Variants in NUP133 observed in about 807,000 individuals in gnomAD.
The protein encoded by NUP133 is nucleoporin 133.
In NUP133, 66 loss-of-function variants were observed where a neutral mutation model predicts 146.2. The observed-to-expected ratio is 0.45, with a 90% CI of 0.37 to 0.55. The LOEUF (loss-of-function observed/expected upper bound fraction) is 0.55, where lower values mean the gene tolerates loss of function less well. Among genes scored for constraint, NUP133 ranks in the 20% least tolerant of loss-of-function variants. The pLI is 0.00. For synonymous variants in NUP133, 521 were observed against 498.8 expected (o/e 1.04, Z -0.59); for missense variants, 1,277 against 1,374.8 (o/e 0.93, Z 1.12).
intron 15 of NUP133, among the ~76,000 whole-genome samples, chr1:229,467,857 C>G (rs35834187): frequency 1.3e-5 from 2 of 149,386 alleles, no homozygotes; most frequent in African/African-American, 5.0e-5. Context: ...CCAAGGAGGC[C>G]GAGGCTGCGG....
In NUP133 at chr1:229,470,844, T is replaced by C. The variant is rs767945896; in HGVS notation, c.1852-40A>G. 5 of 1,573,466 alleles carry C rather than the reference T, an allele frequency of 3.2e-6. No homozygotes were observed. In the South Asian group the frequency reaches 4.4e-5, roughly 14 times the overall value. On this transcript the variant is annotated intron_variant, in intron 14 of 25. Transcript: ENST00000261396. ...AACACATATTCTCAGAAAGCAATTA[T>C]GGTAACATGCAAAATACCATAGCTG...
chr1:229,497,143 T>G (rs923348342), intron 6 of NUP133, among the ~76,000 whole-genome samples: 1 of 152,062 alleles, frequency 6.6e-6, no homozygotes, highest in Non-Finnish European at 1.5e-5. Context: ...ACCAGGAGCT[T>G]AGGTGAAATT....
chr1:229,453,600 T>C (rs1190995873), intron 21 of NUP133, among the ~76,000 whole-genome samples: 1 of 152,250 alleles, frequency 6.6e-6, no homozygotes, highest in African/African-American at 2.4e-5. Flanking sequence ...CAGAATCATT[T>C]TAACTGGATC....
rs952161277 is a variant in NUP133 at position 229,441,705 on chromosome 1, G to A, written c.*199C>T. ...AGGAACAACAACTGACACATTTCAG[G>A]TGGAAAAAACAAGTCACATAACTGA... On this transcript the variant is annotated 3_prime_UTR_variant, in exon 26 of 26. Coordinates refer to ENST00000261396, the MANE Select transcript of NUP133 (RefSeq NM_018230.3). 35 of 472,142 alleles carry A rather than the reference G, an allele frequency of 7.4e-5. No homozygotes were observed. Among genetic ancestry groups the A allele is most frequent in the African/African-American group, 5.2e-4 (26 of 49,980 alleles). 29.2% of individuals were successfully genotyped at this position (472,142 alleles called of 1,614,324 possible).
chr1:229,493,095 A>C (rs561600002), intron 8 of NUP133, among the ~76,000 whole-genome samples: 24 of 152,170 alleles, frequency 1.6e-4, no homozygotes, highest in South Asian at 4.2e-4. Flanking sequence ...AGTTAAGGTT[A>C]AAAAAAATTC....
chr1:229,451,768 C>T (rs1335972972), intron 22 of NUP133, among the ~76,000 whole-genome samples: 1 of 152,158 alleles, frequency 6.6e-6, no homozygotes, highest in Non-Finnish European at 1.5e-5. Context: ...TGTTCTTGAA[C>T]ATCCTTTTTA....
intron 5 of NUP133, chr1:229,499,107 G>A (rs756420447): frequency 1.9e-4 from 84 of 452,520 alleles, no homozygotes; most frequent in African/African-American, 1.5e-3. Context: ...GTTTTATGGC[G>A]CAGGCTAGTC....
chr1:229,484,888 G>T (rs1661309957), intron 11 of NUP133, among the ~76,000 whole-genome samples: 1 of 151,762 alleles, frequency 6.6e-6, no homozygotes, highest in Non-Finnish European at 1.5e-5. Flanking sequence ...AAAATGCAAG[G>T]TATTAATCCC....
At chr1:229,444,843 TC>T (rs1660267263) in intron 25 of NUP133, 70 bp downstream of exon 25, 1 of 987,598 alleles carries the variant, frequency 1.0e-6, no homozygotes, top group Non-Finnish European at 1.6e-6. Flanking sequence ...CAAGACTCCG[TC>T]TCAAAAAAAA....
intron 4 of NUP133, 122 bp downstream of exon 4, chr1:229,500,634 C>A: frequency 1.7e-6 from 1 of 580,642 alleles, no homozygotes; most frequent in Non-Finnish European, 3.0e-6. Context: ...TTTGCCAATA[C>A]CACAATATCT....
intron 12 of NUP133, among the ~76,000 whole-genome samples, chr1:229,478,268 AT>A (rs1661126459): frequency 6.6e-6 from 1 of 152,218 alleles, no homozygotes; most frequent in South Asian, 2.1e-4. Context: ...ACTATTATCC[AT>A]TCATTAATTC....
rs1660778599 is a variant in NUP133, at chr1:229,464,961, C to T, written c.2300-86G>A. The T allele has an allele frequency of 4.1e-6, 6 of 1,474,280 alleles. No homozygotes were observed. The East Asian group carries it at 1.4e-4, about 34-fold the overall frequency. The allele number at this position is 1,474,280 out of a possible 1,614,324, so 91.3% of individuals were successfully genotyped here. ...GACTAATAGCATAAAAATTATGCCT[C>T]TTCATCACTGCTGGAAAATTACATT... On this transcript the variant is annotated intron_variant, in intron 17 of 25. Coordinates refer to ENST00000261396, the MANE Select transcript of NUP133 (RefSeq NM_018230.3).
chr1:229,501,047 T>TA, intron 3 of NUP133, among the ~76,000 whole-genome samples, 184 bp from the exon 4 acceptor site: 1 of 152,348 alleles, frequency 6.6e-6, no homozygotes, highest in South Asian at 2.1e-4. Context: ...CAAAGTATCT[T>TA]AAGAGTATTG....
At chr1:229,474,874 G>A (rs1187256542) in intron 14 of NUP133, among the ~76,000 whole-genome samples, 1 of 152,112 alleles carries the variant, frequency 6.6e-6, no homozygotes, top group Non-Finnish European at 1.5e-5. Flanking sequence ...AGGCTGAAGT[G>A]CAGTGATTTC....
At position 229,441,616 on chromosome 1, in the gene NUP133, G is replaced by C; in HGVS notation, c.*288C>G. 1 of 379,674 alleles carries C rather than the reference G, an allele frequency of 2.6e-6. No individual in the cohort carries two copies. The highest frequency in any genetic ancestry group is 4.1e-4 in the Middle Eastern group (1 of 2,466). The allele number at this position is 379,674 out of a possible 1,614,324, so 23.5% of individuals were successfully genotyped here. A position where few individuals can be genotyped will look rare whatever the true frequency, so the allele number is the denominator to read the frequency against. On this transcript the variant is annotated 3_prime_UTR_variant, in exon 26 of 26. Transcript: ENST00000261396. Reference sequence around the variant, plus strand: ...AGTGATTTGTACATGTGAGCAGCTAGAACCAGGACAAGAACTCCAGAACCT... The same window carrying C: ...AGTGATTTGTACATGTGAGCAGCTACAACCAGGACAAGAACTCCAGAACCT...
intron 13 of NUP133, among the ~76,000 whole-genome samples, chr1:229,477,212 G>A (rs1661098375): frequency 1.3e-5 from 2 of 151,990 alleles, no homozygotes; most frequent in African/African-American, 4.8e-5. Flanking sequence ...GGCCGAGGTG[G>A]GTGGATCACG....
In NUP133 at chr1:229,465,333, C is replaced by T. The variant is rs763696422; in HGVS notation, c.2299+87G>A. On this transcript the variant is annotated intron_variant, in intron 17 of 25. Transcript: ENST00000261396. ...GGCACTTTTTCATTTCACTTACAAA[C>T]CTACGCTAGGGGAATAACACAACTT... 4 of 1,041,770 alleles carry T rather than the reference C, an allele frequency of 3.8e-6. No individual in the cohort carries two copies. The South Asian group carries it at 5.6e-5, about 14-fold the overall frequency. The allele number at this position is 1,041,770 out of a possible 1,614,324, so 64.5% of individuals were successfully genotyped here. A position where few individuals can be genotyped will look rare whatever the true frequency, so the allele number is the denominator to read the frequency against.
chr1:229,498,271 T>C lies in NUP133; in HGVS notation c.684A>G (p.Gln228=), dbSNP rs573114488. The C allele has an allele frequency of 2.7e-5, 44 of 1,603,052 alleles. No individual in the cohort carries two copies. The highest frequency in any genetic ancestry group is 5.4e-5 in the African/African-American group (4 of 74,288). The change falls in exon 6 of 26, where the codon CAA becomes CAG. Residue 228 remains glutamine (Q), a synonymous_variant. Coordinates refer to ENST00000261396, the MANE Select transcript of NUP133 (RefSeq NM_018230.3). The part of the protein sequence containing the change: ...GSFILSSSGS[Q]LIRLIPESSG... ...AGCTCTCAGGTATCAACCGAATTAGTTGGCTTCCTGATGAAGACAAAATAA... is the reference window on the plus strand; with the variant it reads ...AGCTCTCAGGTATCAACCGAATTAGCTGGCTTCCTGATGAAGACAAAATAA...
At chr1:229,463,149 G>A (rs1260260694) in intron 19 of NUP133, among the ~76,000 whole-genome samples, 1 of 152,180 alleles carries the variant, frequency 6.6e-6, no homozygotes, top group Non-Finnish European at 1.5e-5. Flanking sequence ...AGCACTTTGG[G>A]AGGCTGAAGC....
Sources: allele counts gnomAD v4.1 joint callset (sites outside exome capture counted in the v4.1 genomes callset), GRCh38; gene constraint gnomAD v4.1.1; transcripts MANE v1.5; gene names NCBI Gene and HGNC (gene_info 2026-07-23, HGNC 2026-07-21).